The following SERPINA12 variants were observed in gnomAD, a reference collection of about 807,000 sequenced individuals.
SERPINA12 encodes the protein serpin A12.
In SERPINA12, 21 loss-of-function variants were observed where a neutral mutation model predicts 25.9. The ratio of observed to expected loss-of-function variants is 0.81; its 90% CI spans 0.58 to 1.17. The LOEUF is 1.17. SERPINA12 is among the 50% of genes most tolerant of loss of function. The pLI is 0.00. For synonymous variants in SERPINA12, 220 were observed against 196.0 expected (o/e 1.12, Z -1.02); for missense variants, 562 against 508.3 (o/e 1.11, Z -1.02).
intron 3 of SERPINA12, among the ~76,000 whole-genome samples, chr14:94,493,268 T>C (rs957161760): frequency 2.6e-5 from 4 of 152,182 alleles, no homozygotes; most frequent in South Asian, 4.1e-4. Flanking sequence ...TCTAATGAAA[T>C]GTAATTCCCT....
upstream of SERPINA12, chr14:94,511,319 A>G (rs1901104384): frequency 1.4e-6 from 1 of 735,256 alleles, no homozygotes; most frequent in African/African-American, 1.9e-5. Flanking sequence ...CACACTATAC[A>G]GATGAGAAAG....
At chr14:94,513,566 G>A (rs1566816912), upstream of SERPINA12, among the ~76,000 whole-genome samples, 1 of 152,164 alleles carries the variant, frequency 6.6e-6, no homozygotes, top group Non-Finnish European at 1.5e-5. Flanking sequence ...GGAAATGTTT[G>A]AGAAATCCAT....
At chr14:94,509,279 AAC>A (rs3065835) in intron 1 of SERPINA12, among the ~76,000 whole-genome samples, 61 bp downstream of exon 1, 18,452 of 134,528 alleles carry the variant, frequency 0.14, 1,271 homozygotes, top group Middle Eastern at 0.2. Flanking sequence ...AGAAACAGAC[AAC>A]ACACACACAC....
chr14:94,496,373 C>A lies in SERPINA12; in HGVS notation c.905G>T (p.Arg302Met). 6.2e-7 allele frequency: 1 copy of A among 1,614,142 alleles called. No homozygotes were observed. Among genetic ancestry groups the A allele is most frequent in the South Asian group, 1.1e-5 (1 of 91,078 alleles). The change falls in exon 3 of 5, where the codon AGG becomes ATG. Residue 302 changes from arginine to methionine, a missense_variant and splice_region_variant. Physicochemically the swap from Arg to Met is moderately conservative, Grantham distance 91 (BLOSUM62 -1). Coordinates refer to ENST00000677451, the MANE Select transcript of SERPINA12 (RefSeq NM_001382267.1). ...TGCGAGGGCTAGGCACCCACTTTAC[C>A]TGCGTGACAGTAATGTTTTCCATCT... is the stretch of plus-strand genomic sequence containing the variant. The part of the protein sequence containing the change: ...FSRWKTLLSR[R>M]VVDVSVPRLH...
chr14:94,490,264 G>A (rs1420595927), intron 3 of SERPINA12, among the ~76,000 whole-genome samples: 2 of 152,068 alleles, frequency 1.3e-5, no homozygotes, highest in Non-Finnish European at 2.9e-5. Flanking sequence ...TCGCTCCTGC[G>A]GGACACTAGG....
upstream of SERPINA12, among the ~76,000 whole-genome samples, chr14:94,512,231 C>T (rs1024620865): frequency 2.6e-5 from 4 of 152,192 alleles, no homozygotes; most frequent in Non-Finnish European, 5.9e-5. Flanking sequence ...CACCCACTCA[C>T]GTGTCCCCTC....
intron 2 of SERPINA12, among the ~76,000 whole-genome samples, chr14:94,515,225 C>T (rs1461779184): frequency 6.6e-6 from 1 of 152,124 alleles, no homozygotes; most frequent in Non-Finnish European, 1.5e-5. Context: ...AAGCCATAGA[C>T]TGAAAGAGAA....
chr14:94,495,173 AT>A (rs1230350510), intron 3 of SERPINA12, among the ~76,000 whole-genome samples: 4 of 136,962 alleles, frequency 2.9e-5, no homozygotes, highest in Non-Finnish European at 6.1e-5. Flanking sequence ...GGTTCATGCC[AT>A]TCTCCTGCCT....
intron 2 of SERPINA12, among the ~76,000 whole-genome samples, chr14:94,496,866 A>T (rs1900449699): frequency 6.6e-6 from 1 of 152,158 alleles, no homozygotes; most frequent in Non-Finnish European, 1.5e-5. Flanking sequence ...CTGCCAAATT[A>T]AGAGGGGAAA....
In SERPINA12 at chr14:94,497,988, G is replaced by T. The variant is rs368059461; in HGVS notation, c.410C>A (p.Thr137Lys). 6.2e-7 allele frequency: 1 copy of T among 1,614,144 alleles called. No individual in the cohort carries two copies. The highest frequency in any genetic ancestry group is 1.1e-5 in the South Asian group (1 of 91,072). ...TQDLKLSIGN[T>K]LFIDQRLQPQ... The stretch of plus-strand genomic sequence containing the variant: ...CTGCAGCCTCTGGTCAATGAACAGC[G>T]TGTTCCCAATGCTCAGTTTGAGGTC... Residue 137 changes from threonine to lysine, a missense_variant, in exon 2 of 5, where the codon ACG becomes AAG. Coordinates refer to ENST00000677451, the MANE Select transcript of SERPINA12 (RefSeq NM_001382267.1).
chr14:94,505,816 G>C (rs1900910652), intron 1 of SERPINA12, among the ~76,000 whole-genome samples: 1 of 152,232 alleles, frequency 6.6e-6, no homozygotes, highest in South Asian at 2.1e-4. Context: ...GGCAGCACTG[G>C]GGATGCCTGA....
At chr14:94,491,706 A>G (rs913921466) in intron 3 of SERPINA12, among the ~76,000 whole-genome samples, 1 of 152,160 alleles carries the variant, frequency 6.6e-6, no homozygotes, top group African/African-American at 2.4e-5. Flanking sequence ...GGCTTGAGCA[A>G]CTAAAAAGAT....
intron 1 of SERPINA12, among the ~76,000 whole-genome samples, chr14:94,516,630 G>A (rs1459487740): frequency 1.3e-5 from 2 of 152,312 alleles, no homozygotes; most frequent in African/African-American, 4.8e-5. Context: ...ACTCTTACCT[G>A]GAACCACAGA....
intron 4 of SERPINA12, 138 bp downstream of exon 4, chr14:94,489,482 G>T: frequency 1.1e-6 from 1 of 921,980 alleles, no homozygotes; most frequent in Non-Finnish European, 1.6e-6. Context: ...GGTTGGTAAG[G>T]GGCACAGCTG....
intron 1 of SERPINA12, among the ~76,000 whole-genome samples, chr14:94,506,643 T>G (rs1900940596): frequency 6.6e-6 from 1 of 152,210 alleles, no homozygotes; most frequent in African/African-American, 2.4e-5. Context: ...AATTGCAAAA[T>G]GGGAATAACC....
intron 1 of SERPINA12, among the ~76,000 whole-genome samples, chr14:94,516,988 T>A (rs181093042): frequency 3.5e-4 from 53 of 152,178 alleles, no homozygotes; most frequent in African/African-American, 1.2e-3. Flanking sequence ...AAAATAGGGA[T>A]ACCAAGGGGG....
At chr14:94,509,639 ACC>A (rs1279753091), upstream of SERPINA12, among the ~76,000 whole-genome samples, 1 of 151,536 alleles carries the variant, frequency 6.6e-6, no homozygotes, top group African/African-American at 2.4e-5. Context: ...TCCCTTCCTC[ACC>A]CCTTGGGAAA....
intron 1 of SERPINA12, among the ~76,000 whole-genome samples, chr14:94,503,863 A>G (rs1232138177): frequency 1.3e-5 from 2 of 152,222 alleles, no homozygotes; most frequent in East Asian, 1.9e-4. Flanking sequence ...TGGAGGCACC[A>G]CTTATGTCCC....
In SERPINA12 at chr14:94,489,624, C is replaced by T. The variant is rs185190205; in HGVS notation, c.1049G>A (p.Gly350Asp). 1.9e-6 allele frequency: 3 copies of T among 1,613,920 alleles called. No homozygotes were observed. Among genetic ancestry groups the T allele is most frequent in the African/African-American group, 1.3e-5 (1 of 75,036 alleles). Reference protein sequence around the residue: ...KIAPHRSLKVGEAVHKAELKM... With the variant: ...KIAPHRSLKVDEAVHKAELKM... ...GTCCAGGCTAGGCAGGCTTACCTCG[C>T]CCACTTTCAGGCTGCGATGAGGGGC... The change falls in exon 4 of 5, where the codon GGC becomes GAC. Residue 350 changes from glycine to aspartate, a missense_variant. Transcript: ENST00000677451.
Sources: allele counts gnomAD v4.1 joint callset (sites outside exome capture counted in the v4.1 genomes callset), GRCh38; gene constraint gnomAD v4.1.1; transcripts MANE v1.5; gene names NCBI Gene and HGNC (gene_info 2026-07-23, HGNC 2026-07-21).